The following DLGAP1 variants were observed in gnomAD, a reference collection of about 807,000 sequenced individuals.
DLGAP1 encodes the protein disks large-associated protein 1.
A neutral mutation model predicts 90.8 loss-of-function variants in DLGAP1; 11 were observed. The observed-to-expected ratio is 0.12, with a 90% CI of 0.08 to 0.20. The LOEUF is 0.20. DLGAP1 is among the 10% of genes least tolerant of loss of function. DLGAP1 has a pLI of 1.00. For synonymous variants in DLGAP1, 558 were observed against 540.7 expected, an observed-to-expected ratio of 1.03 and a Z score of -0.44; for missense variants, 1,050 against 1,333.8, an observed-to-expected ratio of 0.79 and a Z score of 3.31.
chr18:4,266,998 T>C (rs1402875489), intron 1 of DLGAP1, among the ~76,000 whole-genome samples: 1 of 152,236 alleles, frequency 6.6e-6, no homozygotes, highest in African/African-American at 2.4e-5. Flanking sequence ...ACCCACCCAC[T>C]GATAGCTGCC....
intron 2 of DLGAP1, among the ~76,000 whole-genome samples, chr18:4,081,328 A>G (rs1241267202): frequency 6.6e-6 from 1 of 151,936 alleles, no homozygotes; most frequent in Non-Finnish European, 1.5e-5. Flanking sequence ...GAAAAAAAAA[A>G]AAAAGTAATC....
intron 3 of DLGAP1, among the ~76,000 whole-genome samples, chr18:3,963,406 G>T (rs566940133): frequency 6.6e-6 from 1 of 152,262 alleles, no homozygotes; most frequent in South Asian, 2.1e-4. Flanking sequence ...GGACTCAAAT[G>T]TGCATGAGGA....
chr18:4,124,506 G>A (rs913605737), intron 2 of DLGAP1, among the ~76,000 whole-genome samples: 3 of 152,228 alleles, frequency 2.0e-5, no homozygotes, highest in African/African-American at 7.2e-5. Context: ...CCTCTGGCTC[G>A]TAAGATACGG....
chr18:3,854,099 G>A (rs540685885), intron 4 of DLGAP1, among the ~76,000 whole-genome samples: 1 of 152,168 alleles, frequency 6.6e-6, no homozygotes, highest in South Asian at 2.1e-4. Context: ...TGCATATTAA[G>A]TTTATGAACC....
intron 9 of DLGAP1, among the ~76,000 whole-genome samples, chr18:3,547,633 G>C (rs1192180605): frequency 2.0e-5 from 3 of 152,118 alleles, no homozygotes; most frequent in Non-Finnish European, 2.9e-5. Context: ...GTGTTGGCCA[G>C]TTTGTGGAGA....
chr18:4,231,571 A>T (rs1388446355), intron 1 of DLGAP1, among the ~76,000 whole-genome samples: 8 of 152,118 alleles, frequency 5.3e-5, no homozygotes, highest in South Asian at 2.1e-4. Flanking sequence ...TCTCTGTTAG[A>T]GCTCTAGCCC....
chr18:4,026,135 T>C (rs1340279015), intron 2 of DLGAP1, among the ~76,000 whole-genome samples: 8 of 151,892 alleles, frequency 5.3e-5, no homozygotes, highest in Admixed American at 2.0e-4. Context: ...TTAAGTTGGT[T>C]CCTCTTGACC....
chr18:3,881,017 G>T (rs2071152466), intron 3 of DLGAP1, among the ~76,000 whole-genome samples: 1 of 147,998 alleles, frequency 6.8e-6, no homozygotes, highest in Non-Finnish European at 1.5e-5. Context: ...AAACCAAATT[G>T]TTTTTAAATT....
chr18:3,623,905 C>T (rs953041170), intron 7 of DLGAP1, among the ~76,000 whole-genome samples: 1 of 152,132 alleles, frequency 6.6e-6, no homozygotes, highest in Non-Finnish European at 1.5e-5. Context: ...TGCGGATGCC[C>T]GTTTCCCCTC....
At chr18:4,158,220 T>C (rs1436323283) in intron 1 of DLGAP1, among the ~76,000 whole-genome samples, 3 of 152,178 alleles carry the variant, frequency 2.0e-5, no homozygotes, top group African/African-American at 7.2e-5. Flanking sequence ...ACTATTCTTA[T>C]AGTTGCATTG....
chr18:3,669,019 A>C (rs964455068), intron 7 of DLGAP1, among the ~76,000 whole-genome samples: 1 of 151,950 alleles, frequency 6.6e-6, no homozygotes, highest in Non-Finnish European at 1.5e-5. Context: ...AAGCAATAGA[A>C]TGATCTACAT....
At position 3,879,716 on chromosome 18, in the gene DLGAP1, T is replaced by G. The variant is rs372254529; in HGVS notation, c.353A>C (p.Tyr118Ser). 1.2e-6 allele frequency: 2 copies of G among 1,608,648 alleles called. No homozygotes were observed. The highest frequency in any genetic ancestry group is 2.7e-5 in the African/African-American group (2 of 74,932). The change falls in exon 4 of 13, where the codon TAT becomes TCT. Residue 118 changes from tyrosine to serine, a missense_variant. By Grantham distance (144) the Tyr-to-Ser change is moderately radical. Coordinates refer to ENST00000315677, the MANE Select transcript of DLGAP1 (RefSeq NM_004746.4). This position sits in a 1 kb window ranked among gnomAD's most constrained non-coding sequence, Gnocchi z 6.6. Reference sequence around the variant, plus strand: ...CGTGCGCTTGTACTGCAGGGTGTGATAGCCATCGCGGCTGAGTGGCAGCTG... The same window carrying G: ...CGTGCGCTTGTACTGCAGGGTGTGAGAGCCATCGCGGCTGAGTGGCAGCTG... ...ERQLPLSRDG[Y>S]HTLQYKRTAV...
chr18:4,399,709 G>A (rs2082512254), intron 1 of DLGAP1, among the ~76,000 whole-genome samples: 1 of 152,208 alleles, frequency 6.6e-6, no homozygotes. Context: ...GCAGAGGCTG[G>A]CTTTCTCCAG....
At chr18:3,793,659 C>A (rs1456735318) in intron 5 of DLGAP1, among the ~76,000 whole-genome samples, 1 of 152,156 alleles carries the variant, frequency 6.6e-6, no homozygotes, top group Non-Finnish European at 1.5e-5. Context: ...TTGAGCCTAG[C>A]TCTCTCTTTG....
At chr18:3,867,167 A>T (rs190677737) in intron 4 of DLGAP1, among the ~76,000 whole-genome samples, 3 of 152,278 alleles carry the variant, frequency 2.0e-5, no homozygotes, top group Admixed American at 6.5e-5. Flanking sequence ...CAGTGTTATT[A>T]ACACTGTGAG....
intron 1 of DLGAP1, among the ~76,000 whole-genome samples, chr18:4,351,678 G>A (rs1056532756): frequency 1.3e-5 from 2 of 152,140 alleles, no homozygotes; most frequent in Non-Finnish European, 2.9e-5. Context: ...AATCTGAGTA[G>A]CTAGTCAGTT....
At chr18:4,282,363 CAAAAA>C (rs10710132) in intron 1 of DLGAP1, among the ~76,000 whole-genome samples, 1 of 99,096 alleles carries the variant, frequency 1.0e-5, no homozygotes, top group Non-Finnish European at 2.3e-5. Context: ...GACTCTGTCT[CAAAAA>C]AAAAAAAAAA....
chr18:4,252,926 T>A (rs2078812529), intron 1 of DLGAP1, among the ~76,000 whole-genome samples: 1 of 152,214 alleles, frequency 6.6e-6, no homozygotes, highest in African/African-American at 2.4e-5. Flanking sequence ...AGCTGAATGC[T>A]TTCAAGGCAC....
intron 2 of DLGAP1, among the ~76,000 whole-genome samples, chr18:4,118,522 G>A (rs769953002): frequency 6.6e-6 from 1 of 152,162 alleles, no homozygotes; most frequent in African/African-American, 2.4e-5. Context: ...GAAGTTAGGT[G>A]GAGGAAAGGA....
Sources: gnomAD v4.1 joint callset for allele counts (sites outside exome capture counted in the v4.1 genomes callset) on GRCh38, gnomAD v4.1.1 for gene constraint, Gnocchi (gnomAD v3.1) non-coding constraint, MANE v1.5 for transcripts, NCBI Gene and HGNC (gene_info 2026-07-23, HGNC 2026-07-21) for gene names.